The following PTPRZ1 variants were observed in gnomAD, a reference collection of about 807,000 sequenced individuals.
The protein encoded by PTPRZ1 is protein tyrosine phosphatase receptor type Z1, also known as receptor-type tyrosine-protein phosphatase zeta.
Under a neutral mutation model 214.1 loss-of-function variants are expected in PTPRZ1, and 82 were observed. The ratio of observed to expected loss-of-function variants is 0.38; its 90% CI spans 0.32 to 0.46. The LOEUF is 0.46. PTPRZ1 is among the 20% of genes least tolerant of loss of function. The pLI is 1.00. For missense variants in PTPRZ1, 2,603 were observed against 2,748.7 expected, an observed-to-expected ratio of 0.95 and a Z score of 1.19; for synonymous variants, 945 against 987.9, an observed-to-expected ratio of 0.96 and a Z score of 0.81.
chr7:121,903,298 T>C (rs556689125), intron 1 of PTPRZ1, among the ~76,000 whole-genome samples: 1 of 152,334 alleles, frequency 6.6e-6, no homozygotes, highest in East Asian at 1.9e-4. Context: ...ATGAATTTGC[T>C]AGAAATTCTC....
At chr7:122,021,143 TTTATAA>T (rs72058613) in intron 13 of PTPRZ1, among the ~76,000 whole-genome samples, 9,326 of 152,198 alleles carry the variant, frequency 0.061, 496 homozygotes, top group African/African-American at 0.15. Flanking sequence ...TGTCAGATGG[TTTATAA>T]TTATAAGATT....
intron 4 of PTPRZ1, among the ~76,000 whole-genome samples, chr7:121,974,655 T>C (rs1797374456): frequency 6.6e-6 from 1 of 152,040 alleles, no homozygotes; most frequent in African/African-American, 2.4e-5. Flanking sequence ...GCCCAGCTAA[T>C]TTTTTCTATC....
intron 1 of PTPRZ1, among the ~76,000 whole-genome samples, chr7:121,888,804 A>T (rs1794486171): frequency 6.6e-6 from 1 of 152,142 alleles, no homozygotes; most frequent in Non-Finnish European, 1.5e-5. Flanking sequence ...ACACTAAAAA[A>T]CAGACTACTT....
intron 2 of PTPRZ1, among the ~76,000 whole-genome samples, chr7:121,963,320 A>G (rs1243350864): frequency 6.6e-6 from 1 of 152,218 alleles, no homozygotes; most frequent in Non-Finnish European, 1.5e-5. Flanking sequence ...TGAGACAGCA[A>G]AAACTGGCAC....
chr7:122,022,428 A>G (rs1044436458), intron 13 of PTPRZ1, among the ~76,000 whole-genome samples: 4 of 152,120 alleles, frequency 2.6e-5, no homozygotes, highest in Admixed American at 2.6e-4. Flanking sequence ...TAAGGAGCAG[A>G]GAGTTTAATA....
At chr7:121,949,283 T>A (rs1005263978) in intron 2 of PTPRZ1, among the ~76,000 whole-genome samples, 1 of 152,176 alleles carries the variant, frequency 6.6e-6, no homozygotes, top group South Asian at 2.1e-4. Context: ...GTGACTTTAA[T>A]TAGAAGGGGA....
chr7:122,044,317 T>C lies in PTPRZ1; in HGVS notation c.5938-105T>C. 1.5e-5 allele frequency: 20 copies of C among 1,338,252 alleles called. 1 individual carries two copies. Among genetic ancestry groups the C allele is most frequent in the Non-Finnish European group, 2.0e-5 (19 of 961,086 alleles). 82.9% of individuals were successfully genotyped at this position (1,338,252 alleles called of 1,614,324 possible). The stretch of plus-strand genomic sequence containing the variant: ...GCAATCTTGTGTGGGTCTTCCCCCA[T>C]TCTGTAAAACTCTCCTTGTCTGTCA... On this transcript the variant is annotated intron_variant, in intron 22 of 29. Coordinates refer to ENST00000393386, the MANE Select transcript of PTPRZ1 (RefSeq NM_002851.3).
At chr7:121,994,336 C>A (rs1441310396) in intron 8 of PTPRZ1, among the ~76,000 whole-genome samples, 1 of 101,604 alleles carries the variant, frequency 9.8e-6, no homozygotes, top group Non-Finnish European at 1.8e-5. Context: ...GCTCTGTTGC[C>A]CCGGCTGGAG....
Position 122,019,128 on chromosome 7 carries a change from C to T in PTPRZ1, c.4848C>T (p.Ala1616=). The T allele has an allele frequency of 6.2e-7, 1 of 1,610,138 alleles. No homozygotes were observed. Among genetic ancestry groups the T allele is most frequent in the Non-Finnish European group, 8.5e-7 (1 of 1,177,302 alleles). ...CTCAATTTTCTCTGACTACAGAGGC[C>T]AGTAATAGTAGCCATGAGTCTCGTA... ...SEVFHVSEAE[A]SNSSHESRIG... Residue 1616 remains alanine (A), a synonymous_variant, in exon 13 of 30, where the codon GCC becomes GCT. Coordinates refer to ENST00000393386, the MANE Select transcript of PTPRZ1 (RefSeq NM_002851.3).
chr7:121,968,263 T>C (rs1797104785), intron 3 of PTPRZ1, 133 bp downstream of exon 3: 4 of 674,886 alleles, frequency 5.9e-6, no homozygotes, highest in Non-Finnish European at 4.5e-6. Context: ...AGAAACCAAA[T>C]GGAGCAGAGA....
At chr7:122,036,870 T>C (rs1147492) in intron 18 of PTPRZ1, among the ~76,000 whole-genome samples, 188 bp downstream of exon 18, 98,991 of 152,144 alleles carry the variant, frequency 0.65, 33,890 homozygotes, top group African/African-American at 0.89. Context: ...TTAAATGACA[T>C]TCAAGCTATT....
chr7:122,023,638 T>A (rs1360084481), intron 13 of PTPRZ1, among the ~76,000 whole-genome samples: 2 of 131,064 alleles, frequency 1.5e-5, no homozygotes, highest in Non-Finnish European at 3.1e-5. Context: ...ATGTATAATT[T>A]TATATATAAT....
chr7:121,944,035 AT>A (rs1453984651), intron 2 of PTPRZ1, among the ~76,000 whole-genome samples: 8 of 152,208 alleles, frequency 5.3e-5, no homozygotes, highest in Non-Finnish European at 1.0e-4. Context: ...TGAAAATGCT[AT>A]TTTCAAAAGC....
intron 2 of PTPRZ1, among the ~76,000 whole-genome samples, chr7:121,931,489 C>G (rs1194103080): frequency 6.6e-6 from 1 of 152,222 alleles, no homozygotes; most frequent in Middle Eastern, 3.4e-3. Flanking sequence ...GGACCTACTG[C>G]CTAGGGAATA....
At chr7:121,967,737 T>C (rs1797086594) in intron 2 of PTPRZ1, among the ~76,000 whole-genome samples, 1 of 152,212 alleles carries the variant, frequency 6.6e-6, no homozygotes. Context: ...TGTTTTTTTA[T>C]AGTGGCATGG....
chr7:121,938,058 T>G (rs1193184961), intron 2 of PTPRZ1, among the ~76,000 whole-genome samples: 1 of 152,178 alleles, frequency 6.6e-6, no homozygotes, highest in Non-Finnish European at 1.5e-5. Flanking sequence ...TCTATTAATA[T>G]CTATCTATTT....
At chr7:121,890,616 T>C (rs1384957487) in intron 1 of PTPRZ1, among the ~76,000 whole-genome samples, 1 of 152,146 alleles carries the variant, frequency 6.6e-6, no homozygotes, top group Non-Finnish European at 1.5e-5. Context: ...GAAGTGTCCA[T>C]CAAGCCCCAA....
rs573296308 is a variant in PTPRZ1 at position 122,027,770 on chromosome 7, T to C, written c.4989-782T>C. On this transcript the variant is annotated intron_variant, in intron 13 of 29. Coordinates refer to ENST00000393386, the MANE Select transcript of PTPRZ1 (RefSeq NM_002851.3). ...GTGCTCTTACCAGATGCTACTCTTA[T>C]TATCCGAATGAAAATAGATTCAGGT... 2.0e-5 allele frequency among the ~76,000 whole-genome samples: 3 copies of C among 152,330 alleles called. No individual in the cohort carries two copies. In the South Asian group the frequency reaches 6.2e-4, roughly 32 times the overall value.
chr7:122,028,349 G>C, intron 13 of PTPRZ1: 1 of 437,576 alleles, frequency 2.3e-6, no homozygotes, highest in Non-Finnish European at 4.1e-6. Context: ...TTCTGCATCT[G>C]CTACAGGTAA....
Sources: gnomAD v4.1 joint callset for allele counts (sites outside exome capture counted in the v4.1 genomes callset) on GRCh38, gnomAD v4.1.1 for gene constraint, MANE v1.5 for transcripts, NCBI Gene and HGNC (gene_info 2026-07-23, HGNC 2026-07-21) for gene names.